EYA2: variants seen among roughly 807,000 people sequenced by gnomAD.
The protein encoded by EYA2 is protein phosphatase EYA2.
A neutral mutation model predicts 69.2 loss-of-function variants in EYA2; 31 were observed. The observed-to-expected ratio is 0.45, with a 90% CI of 0.34 to 0.60. EYA2 has a LOEUF of 0.60. Among genes scored for constraint, EYA2 ranks in the 20% least tolerant of loss-of-function variants. The probability of loss-of-function intolerance (pLI) is 0.02; values close to 1 mark genes in which losing one functional copy is unlikely to be tolerated. For synonymous variants in EYA2, 257 were observed against 279.4 expected (o/e 0.92, Z 0.80); for missense variants, 622 against 701.2 (o/e 0.89, Z 1.28).
At chr20:47,149,454 C>T (rs1600745086) in intron 10 of EYA2, among the ~76,000 whole-genome samples, 1 of 151,996 alleles carries the variant, frequency 6.6e-6, no homozygotes, top group Non-Finnish European at 1.5e-5. Flanking sequence ...TAACGGCCCC[C>T]ATCCTCTTGG....
intron 6 of EYA2, 44 bp downstream of exon 6, chr20:47,072,296 A>G (rs1408355708): frequency 3.2e-6 from 5 of 1,565,262 alleles, no homozygotes; most frequent in Admixed American, 3.6e-5. Context: ...TTCTTTCTGG[A>G]AATATTCCCC....
rs529697019 is a variant in EYA2, at chr20:46,965,004, G to C, written c.-10-24997G>C. On this transcript the variant is annotated intron_variant, in intron 1 of 15. Transcript: ENST00000327619. ...TAAATGAGAGTGAGTTGTGCCACTA[G>C]ACGCCCAACTTGTAGAGTTGGATTC... 2.0e-5 allele frequency among the ~76,000 whole-genome samples: 3 copies of C among 152,334 alleles called. No homozygotes were observed. The South Asian group carries it at 6.2e-4, about 32-fold the overall frequency.
At chr20:47,066,595 T>C (rs1600683283) in intron 5 of EYA2, among the ~76,000 whole-genome samples, 1 of 152,184 alleles carries the variant, frequency 6.6e-6, no homozygotes, top group Non-Finnish European at 1.5e-5. Flanking sequence ...CCCCATTCCA[T>C]GGAGAAAGAG....
In EYA2 at chr20:47,016,238, A is replaced by G. The variant is rs779577193; in HGVS notation, c.356A>G (p.Tyr119Cys). The stretch of plus-strand genomic sequence containing the variant: ...CCTGGCCAGAGTGGATTCCTCAGCT[A>G]TGGCTCCAGCTTCAGCACCTCACCC... ...HSPGQSGFLS[Y>C]GSSFSTSPTG... The change falls in exon 5 of 16, where the codon TAT (tyrosine) becomes TGT (cysteine). Residue 119 changes from tyrosine to cysteine, a missense_variant. By Grantham distance (194) the Tyr-to-Cys change is radical. This residue lies in a region of EYA2 where 365 missense variants were observed against 349.7 expected (regional missense o/e 1.04). Coordinates refer to ENST00000327619, the MANE Select transcript of EYA2 (RefSeq NM_005244.5). 63 of 1,614,022 alleles carry G rather than the reference A, an allele frequency of 3.9e-5. No individual in the cohort carries two copies. Among genetic ancestry groups the G allele is most frequent in the Admixed American group, 2.2e-4 (13 of 59,992 alleles).
intron 1 of EYA2, among the ~76,000 whole-genome samples, chr20:46,897,615 G>T (rs949834377): frequency 6.6e-6 from 1 of 152,192 alleles, no homozygotes; most frequent in African/African-American, 2.4e-5. Context: ...TAGGCCAGCA[G>T]TAAACTCCTT....
chr20:47,077,248 G>A (rs562919817), intron 7 of EYA2, among the ~76,000 whole-genome samples: 38 of 152,352 alleles, frequency 2.5e-4, no homozygotes, highest in South Asian at 1.2e-3. Flanking sequence ...TGACCCCTCT[G>A]TGGTCACAGA....
intron 13 of EYA2, 56 bp from the exon 14 acceptor site, chr20:47,180,759 G>A: frequency 6.3e-7 from 1 of 1,591,010 alleles, no homozygotes; most frequent in Non-Finnish European, 8.6e-7. Flanking sequence ...GCAGCAAGAG[G>A]AGGCCTGGCC....
intron 7 of EYA2, among the ~76,000 whole-genome samples, chr20:47,085,777 A>G (rs1395664797): frequency 6.6e-6 from 1 of 152,234 alleles, no homozygotes; most frequent in African/African-American, 2.4e-5. Context: ...TTAAACCTCT[A>G]GAAAATTCAA....
At chr20:46,944,294 C>G (rs1978334780) in intron 1 of EYA2, among the ~76,000 whole-genome samples, 1 of 152,202 alleles carries the variant, frequency 6.6e-6, no homozygotes, top group African/African-American at 2.4e-5. Context: ...GGGTTCGAGA[C>G]AAGATACTCA....
intron 14 of EYA2, 90 bp downstream of exon 14, chr20:47,181,026 C>T (rs995690627): frequency 1.3e-5 from 20 of 1,525,266 alleles, no homozygotes; most frequent in Non-Finnish European, 1.6e-5. Context: ...AGGAACATGA[C>T]ACCACAGAAA....
rs1984627327 is a variant in EYA2 at position 46,911,229 on chromosome 20, ATT to A, written c.-11+16244_-11+16245del. On this transcript the variant is annotated intron_variant, in intron 1 of 15. Transcript: ENST00000327619. ...CACTATTAAGATTTGGAGCTGGATA[ATT>A]TGTGTGTGTGTGTGTGTGTGTGTGT... 2.3e-5 allele frequency among the ~76,000 whole-genome samples: 3 copies of A among 129,946 alleles called. No homozygotes were observed. The South Asian group carries it at 7.5e-4, about 32-fold the overall frequency. The allele number at this position is 129,946 out of a possible 152,430, so 85.2% of individuals were successfully genotyped here. A position where few individuals can be genotyped will look rare whatever the true frequency, so the allele number is the denominator to read the frequency against.
intron 1 of EYA2, among the ~76,000 whole-genome samples, chr20:46,959,818 C>T (rs1456567088): frequency 1.3e-5 from 2 of 152,176 alleles, no homozygotes; most frequent in Admixed American, 1.3e-4. Context: ...CTCCAAGCAT[C>T]CCTGTCATTG....
At chr20:47,134,290 G>T (rs986197116) in intron 9 of EYA2, among the ~76,000 whole-genome samples, 1 of 152,198 alleles carries the variant, frequency 6.6e-6, no homozygotes, top group South Asian at 2.1e-4. Flanking sequence ...AGCCATGACA[G>T]GGGTGGTGGC....
At chr20:46,966,933 A>G (rs1410809001) in intron 1 of EYA2, among the ~76,000 whole-genome samples, 1 of 152,128 alleles carries the variant, frequency 6.6e-6, no homozygotes, top group Non-Finnish European at 1.5e-5. Flanking sequence ...CTTTTTTTGT[A>G]TCAAGTCTTT....
intron 1 of EYA2, among the ~76,000 whole-genome samples, chr20:46,912,056 A>G (rs919786028): frequency 2.6e-5 from 4 of 152,204 alleles, no homozygotes; most frequent in Admixed American, 6.5e-5. Flanking sequence ...CCATAAATAC[A>G]TACAATTGTT....
chr20:47,157,353 CAAAAAAAAAAAA>C lies in EYA2; in HGVS notation c.979-11770_979-11759del, dbSNP rs57425490. On this transcript the variant is annotated intron_variant, in intron 10 of 15. Coordinates refer to ENST00000327619, the MANE Select transcript of EYA2 (RefSeq NM_005244.5). ...TTGGTGACAGAGCAAGACTCCGTCT[CAAAAAAAAAAAA>C]AAAAAAAAAAAAAAAGAGTACTAAG... is the stretch of plus-strand genomic sequence containing the variant. Among the ~76,000 whole-genome samples, 17 of 60,774 alleles carry C rather than the reference CAAAAAAAAAAAA, an allele frequency of 2.8e-4. 1 individual carries two copies. The East Asian group carries it at 2.8e-3, about 10-fold the overall frequency. The allele number at this position is 60,774 out of a possible 152,430, so 39.9% of individuals were successfully genotyped here. A position where few individuals can be genotyped will look rare whatever the true frequency, so the allele number is the denominator to read the frequency against.
At chr20:46,998,971 G>A (rs181224132) in intron 2 of EYA2, among the ~76,000 whole-genome samples, 11 of 152,130 alleles carry the variant, frequency 7.2e-5, no homozygotes, top group Non-Finnish European at 1.3e-4. Context: ...TCTGCGTAGT[G>A]GGGGAGGGGA....
At chr20:46,951,854 T>C (rs2146275855) in intron 1 of EYA2, among the ~76,000 whole-genome samples, 1 of 152,266 alleles carries the variant, frequency 6.6e-6, no homozygotes, top group South Asian at 2.1e-4. Flanking sequence ...GATAACAGGG[T>C]TCCCAGAGAA....
chr20:47,043,226 T>C (rs1374836687), intron 5 of EYA2, among the ~76,000 whole-genome samples: 1 of 152,238 alleles, frequency 6.6e-6, no homozygotes, highest in South Asian at 2.1e-4. Flanking sequence ...AGGCCACTTT[T>C]GTTTTTATTG....
Sources: allele counts gnomAD v4.1 joint callset (sites outside exome capture counted in the v4.1 genomes callset), GRCh38; gene constraint gnomAD v4.1.1; regional missense constraint gnomAD v4.1.1; transcripts MANE v1.5; gene names NCBI Gene and HGNC (gene_info 2026-07-23, HGNC 2026-07-21).